CFAP54: variants seen among roughly 807,000 people sequenced by gnomAD.
CFAP54 encodes cilia and flagella associated protein 54.
Under a neutral mutation model 370.4 loss-of-function variants are expected in CFAP54, and 290 were observed. The ratio of observed to expected loss-of-function variants is 0.78; its 90% CI spans 0.71 to 0.86. CFAP54 has a LOEUF of 0.86. Ranked by LOEUF, CFAP54 falls within the 40% of genes least tolerant of loss-of-function variation. The pLI, the probability that CFAP54 is intolerant of heterozygous loss-of-function variation, is 0.00. For missense variants in CFAP54, 3,399 were observed against 3,528.7 expected (o/e 0.96, Z 0.93); for synonymous variants, 1,206 against 1,236.5 (o/e 0.98, Z 0.52).
intron 28 of CFAP54, among the ~76,000 whole-genome samples, chr12:96,624,705 T>G (rs1382186044): frequency 1.3e-5 from 2 of 152,232 alleles, no homozygotes; most frequent in African/African-American, 4.8e-5. Flanking sequence ...CCTTTGGGGA[T>G]GAGGCTACAC....
In CFAP54 at chr12:96,534,200, A is replaced by G; in HGVS notation, c.1678A>G (p.Ile560Val). The G allele has an allele frequency of 6.8e-7, 1 of 1,468,154 alleles. No individual in the cohort carries two copies. Among genetic ancestry groups the G allele is most frequent in the Non-Finnish European group, 9.1e-7 (1 of 1,103,150 alleles). The allele number at this position is 1,468,154 out of a possible 1,614,324, so 90.9% of individuals were successfully genotyped here. ...CTATAAAGAAGGACAGTCAACTCAAATTTATTTAAAAAAAATTGCTGTTCA... is the reference window on the plus strand; with the variant it reads ...CTATAAAGAAGGACAGTCAACTCAAGTTTATTTAAAAAAAATTGCTGTTCA... ...ENYKEGQSTQIYLKKIAVHDT... is the reference protein window; with the variant it reads ...ENYKEGQSTQVYLKKIAVHDT... The change falls in exon 11 of 68, where the codon ATT becomes GTT. Residue 560 changes from isoleucine to valine, a missense_variant. Around this residue, in one of 3 missense-constraint regions of CFAP54, gnomAD observed 2,796 missense variants for 2,869.7 expected, o/e 0.97. Transcript: ENST00000524981.
At position 96,718,583 on chromosome 12, in the gene CFAP54, T is replaced by C. The variant is rs990206869; in HGVS notation, c.6804+61T>C. On this transcript the variant is annotated intron_variant, in intron 49 of 67. Coordinates refer to ENST00000524981, the MANE Select transcript of CFAP54 (RefSeq NM_001306084.2). The stretch of plus-strand genomic sequence containing the variant: ...TTACCAAAAATCCACTATTAGGCCC[T>C]GGATGGGCCTGCTTTCAGAGTTATG... The C allele has an allele frequency of 3.2e-6, 3 of 934,010 alleles. No homozygotes were observed. In the East Asian group the frequency reaches 7.5e-5, roughly 23 times the overall value. The allele number at this position is 934,010 out of a possible 1,614,324, so 57.9% of individuals were successfully genotyped here.
chr12:96,826,979 T>A lies in CFAP54; in HGVS notation c.9097-2035T>A, dbSNP rs7963709. Among the ~76,000 whole-genome samples the A allele has an allele frequency of 2.1e-3, 270 of 130,420 alleles. 2 individuals carry two copies. The highest frequency in any genetic ancestry group is 7.8e-3 in the African/African-American group (245 of 31,534). The allele number at this position is 130,420 out of a possible 152,430, so 85.6% of individuals were successfully genotyped here. A position where few individuals can be genotyped will look rare whatever the true frequency, so the allele number is the denominator to read the frequency against. On this transcript the variant is annotated intron_variant, in intron 65 of 67. Transcript: ENST00000524981. ...TATAATATGCAATTATATATGATTA[T>A]ATATAATATGCAATTATATATGATT... is the stretch of plus-strand genomic sequence containing the variant.
intron 19 of CFAP54, among the ~76,000 whole-genome samples, chr12:96,568,444 A>G (rs957558179): frequency 1.3e-5 from 2 of 152,106 alleles, no homozygotes; most frequent in Admixed American, 6.6e-5. Flanking sequence ...TTCTATAGCC[A>G]TGTCTGCTCC....
intron 14 of CFAP54, among the ~76,000 whole-genome samples, chr12:96,545,718 C>T (rs1048119790): frequency 4.6e-5 from 7 of 152,180 alleles, no homozygotes; most frequent in African/African-American, 1.7e-4. Context: ...CAATGGGTTT[C>T]TAAAGGTTAT....
At chr12:96,550,220 T>C (rs189005684) in intron 15 of CFAP54, among the ~76,000 whole-genome samples, 4 of 152,238 alleles carry the variant, frequency 2.6e-5, no homozygotes, top group Admixed American at 2.6e-4. Flanking sequence ...GTGGTGGTAG[T>C]GATGGTGATG....
At chr12:96,711,130 G>T (rs1957608883) in intron 48 of CFAP54, among the ~76,000 whole-genome samples, 1 of 151,932 alleles carries the variant, frequency 6.6e-6, no homozygotes, top group African/African-American at 2.4e-5. Context: ...ACTCAGTTTT[G>T]GTAGTTTGTG....
intron 66 of CFAP54, among the ~76,000 whole-genome samples, chr12:96,842,383 A>T (rs1441499281): frequency 6.6e-6 from 1 of 152,196 alleles, no homozygotes; most frequent in Admixed American, 6.5e-5. Context: ...AGGATAGAGA[A>T]CATTTCCATC....
intron 67 of CFAP54, among the ~76,000 whole-genome samples, chr12:96,868,277 C>T (rs1347571276): frequency 6.6e-6 from 1 of 152,044 alleles, no homozygotes; most frequent in Non-Finnish European, 1.5e-5. Context: ...TTTATGTTCC[C>T]ACTTTGTACA....
intron 9 of CFAP54, among the ~76,000 whole-genome samples, chr12:96,532,652 A>T (rs754894578): frequency 1.5e-4 from 23 of 151,492 alleles, no homozygotes; most frequent in Non-Finnish European, 3.1e-4. Context: ...ACAGGATCTC[A>T]CTCTGTCACC....
intron 9 of CFAP54, among the ~76,000 whole-genome samples, chr12:96,533,087 A>G (rs181296281): frequency 2.0e-5 from 3 of 151,778 alleles, no homozygotes; most frequent in Non-Finnish European, 4.4e-5. Flanking sequence ...TTATTGCTCA[A>G]TCCAGGGGTC....
At chr12:96,658,159 A>AAAG (rs1956945272) in intron 37 of CFAP54, 52 bp from the exon 38 acceptor site, 2 of 1,584,848 alleles carry the variant, frequency 1.3e-6, no homozygotes, top group Admixed American at 3.8e-5. Context: ...GAAAAAAAAA[A>AAAG]AAGTCTTTTA....
At chr12:96,800,205 G>C (rs1958806858) in intron 63 of CFAP54, among the ~76,000 whole-genome samples, 1 of 152,030 alleles carries the variant, frequency 6.6e-6, no homozygotes, top group Non-Finnish European at 1.5e-5. Context: ...TGCTGCTATT[G>C]GAAAAACAAA....
At chr12:96,684,588 A>G in intron 40 of CFAP54, 60 bp from the exon 41 acceptor site, 2 of 1,436,352 alleles carry the variant, frequency 1.4e-6, no homozygotes, top group Non-Finnish European at 1.9e-6. Context: ...ATTCTTGCAA[A>G]TATAAAAAAA....
intron 48 of CFAP54, among the ~76,000 whole-genome samples, chr12:96,716,369 T>C (rs1957678889): frequency 6.6e-6 from 1 of 152,264 alleles, no homozygotes; most frequent in South Asian, 2.1e-4. Context: ...TGCCTGAACA[T>C]TGAAAGGATC....
At chr12:96,538,627 T>C (rs760446077) in intron 13 of CFAP54, 109 bp downstream of exon 13, 1 of 1,031,914 alleles carries the variant, frequency 9.7e-7, no homozygotes, top group Admixed American at 2.4e-5. Flanking sequence ...GTTAATGACT[T>C]TCATTTGCAT....
At position 96,865,655 on chromosome 12, in the gene CFAP54, CATA is replaced by C. The variant is rs370503854; in HGVS notation, c.*14+4706_*14+4708del. Among the ~76,000 whole-genome samples, 68 of 152,218 alleles carry C rather than the reference CATA, an allele frequency of 4.5e-4. No individual in the cohort carries two copies. In the East Asian group the frequency reaches 0.012, roughly 27 times the overall value. ...TATTAGTCTCTACTTCTTTTGCATA[CATA>C]ATGTGTTTCATAAATTAAAAACACA... On this transcript the variant is annotated intron_variant, in intron 67 of 67. Transcript: ENST00000524981.
chr12:96,584,911 A>T (rs1419099064), intron 22 of CFAP54, among the ~76,000 whole-genome samples: 2 of 152,074 alleles, frequency 1.3e-5, no homozygotes, highest in African/African-American at 2.4e-5. Flanking sequence ...CTGAGTTTTT[A>T]TATATCCCTC....
chr12:96,549,997 T>A (rs1955678510), intron 15 of CFAP54, among the ~76,000 whole-genome samples: 1 of 152,252 alleles, frequency 6.6e-6, no homozygotes, highest in Non-Finnish European at 1.5e-5. Flanking sequence ...ACTATTGTGA[T>A]TAAATGAAAG....
Sources: allele counts gnomAD v4.1 joint callset (sites outside exome capture counted in the v4.1 genomes callset), GRCh38; gene constraint gnomAD v4.1.1; regional missense constraint gnomAD v4.1.1; transcripts MANE v1.5; gene names NCBI Gene and HGNC (gene_info 2026-07-23, HGNC 2026-07-21).